HDAC9: variants seen among roughly 807,000 people sequenced by gnomAD.
HDAC9 encodes the protein histone deacetylase 9.
In HDAC9, 41 loss-of-function variants were observed where a neutral mutation model predicts 139.4. That is an observed-to-expected ratio of 0.29 (90% CI 0.23 to 0.38). The LOEUF (loss-of-function observed/expected upper bound fraction) is 0.38, where lower values mean the gene tolerates loss of function less well. Ranked by LOEUF, HDAC9 falls within the 10% of genes least tolerant of loss-of-function variation. HDAC9 has a pLI of 1.00. For missense variants in HDAC9, 1,147 were observed against 1,297.0 expected (o/e 0.88, Z 1.78); for synonymous variants, 517 against 476.2 (o/e 1.09, Z -1.12).
At chr7:18,816,556 G>C (rs1277153695) in intron 17 of HDAC9, among the ~76,000 whole-genome samples, 1 of 152,206 alleles carries the variant, frequency 6.6e-6, no homozygotes, top group African/African-American at 2.4e-5. Flanking sequence ...AGGAATCGGA[G>C]CCAATTGTTG....
chr7:18,214,766 G>A (rs192516582), intron 2 of HDAC9, among the ~76,000 whole-genome samples: 2 of 152,186 alleles, frequency 1.3e-5, no homozygotes, highest in East Asian at 1.9e-4. Context: ...ATTAGTGAAT[G>A]CAGCAGGGCA....
chr7:18,401,697 A>T (rs1315017957), intron 1 of HDAC9, among the ~76,000 whole-genome samples: 1 of 152,138 alleles, frequency 6.6e-6, no homozygotes, highest in African/African-American at 2.4e-5. Context: ...TTTCAAAAAA[A>T]CCCATGCTCT....
At chr7:18,486,872 A>C (rs1319424942) in intron 1 of HDAC9, among the ~76,000 whole-genome samples, 2 of 152,084 alleles carry the variant, frequency 1.3e-5, no homozygotes, top group Non-Finnish European at 1.5e-5. Context: ...TTTATTTGTG[A>C]AAATAAGTAT....
At chr7:18,767,929 C>T (rs1037308868) in intron 16 of HDAC9, among the ~76,000 whole-genome samples, 1 of 152,114 alleles carries the variant, frequency 6.6e-6, no homozygotes, top group African/African-American at 2.4e-5. Flanking sequence ...AAGAACAAAA[C>T]TAGTCACATG....
At chr7:18,786,796 T>TTCCTTCCTTCC (rs1791846310) in intron 16 of HDAC9, among the ~76,000 whole-genome samples, 3 of 44,012 alleles carry the variant, frequency 6.8e-5, no homozygotes, top group African/African-American at 1.5e-4. Context: ...TCTTTCTTTC[T>TTCCTTCCTTCC]TTCCTTCCTT....
intron 11 of HDAC9, among the ~76,000 whole-genome samples, chr7:18,660,080 G>A (rs193162374): frequency 2.0e-5 from 3 of 152,174 alleles, no homozygotes. Context: ...CTAGTAAATA[G>A]TCGGAAATTT....
intron 1 of HDAC9, chr7:18,325,518 G>C (rs184599133): frequency 6.6e-6 from 1 of 152,008 alleles, no homozygotes; most frequent in Non-Finnish European, 1.5e-5. Context: ...TAAGAAATGA[G>C]GTCTTACTGT....
intron 6 of HDAC9, among the ~76,000 whole-genome samples, chr7:18,621,259 T>A (rs1446163544): frequency 1.3e-5 from 2 of 151,694 alleles, no homozygotes; most frequent in Non-Finnish European, 2.9e-5. Context: ...ATATAATGAT[T>A]CTCATTTTCA....
At chr7:18,570,462 A>T (rs2128741451) in intron 2 of HDAC9, among the ~76,000 whole-genome samples, 1 of 152,354 alleles carries the variant, frequency 6.6e-6, no homozygotes, top group East Asian at 1.9e-4. Context: ...AAAAATATGT[A>T]ATATTATTTT....
chr7:18,460,555 CG>C lies in HDAC9; in HGVS notation c.-41-35704del, dbSNP rs1005822914. On this transcript the variant is annotated intron_variant, in intron 1 of 3. Coordinates refer to the HDAC9 transcript ENST00000413509. ...ATCCCAGCACTTTCAGAGGCTGAGG[CG>C]GGTGGATAACCTGAGGTTGGGAGTT... is the stretch of plus-strand genomic sequence containing the variant. Among the ~76,000 whole-genome samples, 256 of 151,938 alleles carry C rather than the reference CG, an allele frequency of 1.7e-3. 1 individual carries two copies. The highest frequency in any genetic ancestry group is 6.1e-3 in the African/African-American group (251 of 41,446).
intron 21 of HDAC9, among the ~76,000 whole-genome samples, chr7:18,868,109 A>G (rs62448077): frequency 0.16 from 24,513 of 151,936 alleles, 2,391 homozygotes; most frequent in Middle Eastern, 0.28. Context: ...GTTTGTTTTA[A>G]TCTTTTTTTT....
chr7:18,554,632 G>A (rs1374960626), intron 2 of HDAC9, among the ~76,000 whole-genome samples: 1 of 152,172 alleles, frequency 6.6e-6, no homozygotes, highest in Non-Finnish European at 1.5e-5. Context: ...ACCGCGCCCA[G>A]CCCAGATCAC....
intron 22 of HDAC9, among the ~76,000 whole-genome samples, chr7:18,928,643 G>T (rs189482467): frequency 6.6e-6 from 1 of 151,904 alleles, no homozygotes; most frequent in African/African-American, 2.4e-5. Flanking sequence ...ATATTGTAGA[G>T]AACATGAAAA....
intron 16 of HDAC9, among the ~76,000 whole-genome samples, chr7:18,772,020 C>T (rs1050522301): frequency 6.6e-6 from 1 of 152,154 alleles, no homozygotes; most frequent in African/African-American, 2.4e-5. Context: ...GACAAGACCA[C>T]TGCTCTCAAT....
intron 12 of HDAC9, chr7:18,667,959 T>C: frequency 1.0e-6 from 1 of 974,812 alleles, no homozygotes; most frequent in Non-Finnish European, 1.2e-6. Context: ...TGTGAGGTTT[T>C]TTCTATTAAA....
intron 1 of HDAC9, among the ~76,000 whole-genome samples, chr7:18,434,549 CA>C (rs1275063626): frequency 1.3e-5 from 2 of 151,478 alleles, no homozygotes; most frequent in Admixed American, 6.6e-5. Context: ...AATTAACAGG[CA>C]AAAAACAACT....
intron 2 of HDAC9, among the ~76,000 whole-genome samples, chr7:18,564,823 T>C (rs1046591447): frequency 9.9e-5 from 15 of 152,226 alleles, no homozygotes; most frequent in African/African-American, 3.6e-4. Context: ...TTTAGAATGT[T>C]ATTTTAAGCT....
At chr7:18,139,930 G>A (rs1185277001) in intron 1 of HDAC9, among the ~76,000 whole-genome samples, 1 of 152,120 alleles carries the variant, frequency 6.6e-6, no homozygotes, top group Non-Finnish European at 1.5e-5. Flanking sequence ...CCTTGATTTT[G>A]GCCCAGGAAA....
At chr7:18,554,840 T>A (rs983231548) in intron 2 of HDAC9, among the ~76,000 whole-genome samples, 3 of 152,180 alleles carry the variant, frequency 2.0e-5, no homozygotes, top group Non-Finnish European at 4.4e-5. Flanking sequence ...AATCATTGGG[T>A]GCATCTCTGT....
Sources: allele counts gnomAD v4.1 joint callset (sites outside exome capture counted in the v4.1 genomes callset), GRCh38; gene constraint gnomAD v4.1.1; transcripts MANE v1.5; gene names NCBI Gene and HGNC (gene_info 2026-07-23, HGNC 2026-07-21).